The following EIF4EBP1 variants were observed in gnomAD, a reference collection of about 807,000 sequenced individuals.
EIF4EBP1 encodes eukaryotic translation initiation factor 4E-binding protein 1.
EIF4EBP1 carries 5 observed loss-of-function variants against 9.2 expected under a neutral mutation model. That is an observed-to-expected ratio of 0.54 (90% CI 0.28 to 1.14). EIF4EBP1 has a LOEUF of 1.14. Among genes scored for constraint, EIF4EBP1 ranks in the 50% most tolerant of loss-of-function variants. EIF4EBP1 has a pLI of 0.09. For synonymous variants in EIF4EBP1, 62 were observed against 67.0 expected (o/e 0.93, Z 0.36); for missense variants, 139 against 169.6 (o/e 0.82, Z 1.00).
chr8:38,048,393 T>TA (rs932652424), intron 1 of EIF4EBP1, among the ~76,000 whole-genome samples: 20 of 152,166 alleles, frequency 1.3e-4, no homozygotes, highest in Non-Finnish European at 2.6e-4. Context: ...ATATATTTTT[T>TA]AAAAAAAGCA....
chr8:38,049,214 G>A (rs1765338654), intron 1 of EIF4EBP1, among the ~76,000 whole-genome samples: 1 of 152,062 alleles, frequency 6.6e-6, no homozygotes, highest in South Asian at 2.1e-4. Flanking sequence ...ATAAGATGCA[G>A]GTTGAAGTGA....
At chr8:38,048,851 G>A (rs1809479336) in intron 1 of EIF4EBP1, among the ~76,000 whole-genome samples, 1 of 151,856 alleles carries the variant, frequency 6.6e-6, no homozygotes, top group African/African-American at 2.4e-5. Context: ...AAGAGAGGCC[G>A]GGTACGGTGG....
Position 38,060,153 on chromosome 8 carries a change from A to AC in EIF4EBP1, c.*222dup. 2.5e-6 allele frequency: 1 copy of AC among 406,898 alleles called. No individual in the cohort carries two copies. Among genetic ancestry groups the AC allele is most frequent in the South Asian group, 3.0e-5 (1 of 33,838 alleles). The allele number at this position is 406,898 out of a possible 1,614,324, so 25.2% of individuals were successfully genotyped here. A position where few individuals can be genotyped will look rare whatever the true frequency, so the allele number is the denominator to read the frequency against. ...TGCCTCCACTGATGCAGGAGCTGCC[A>AC]CCCCAAGGGGAGTGACCCCTGCCAG... On this transcript the variant is annotated 3_prime_UTR_variant, in exon 3 of 3. Coordinates refer to ENST00000338825, the MANE Select transcript of EIF4EBP1 (RefSeq NM_004095.4).
chr8:38,041,937 A>T (rs1809386316), intron 1 of EIF4EBP1, among the ~76,000 whole-genome samples: 1 of 151,898 alleles, frequency 6.6e-6, no homozygotes, highest in African/African-American at 2.4e-5. Context: ...GGTTACGGTG[A>T]GCTATGATCA....
At chr8:38,051,193 C>T (rs145498496) in intron 1 of EIF4EBP1, among the ~76,000 whole-genome samples, 64 of 152,288 alleles carry the variant, frequency 4.2e-4, no homozygotes, top group African/African-American at 1.5e-3. Context: ...AATTCCTGAA[C>T]CTTCCTGGGG....
chr8:38,044,526 A>T (rs1303912563), intron 1 of EIF4EBP1, among the ~76,000 whole-genome samples: 1 of 151,988 alleles, frequency 6.6e-6, no homozygotes, highest in Non-Finnish European at 1.5e-5. Context: ...GCAGCCTCAA[A>T]CTCCTGGGCT....
At chr8:38,052,786 C>T (rs1809542465) in intron 1 of EIF4EBP1, among the ~76,000 whole-genome samples, 1 of 151,512 alleles carries the variant, frequency 6.6e-6, no homozygotes, top group South Asian at 2.1e-4. Flanking sequence ...CTCCTGGGCT[C>T]AAGTGATCCT....
intron 1 of EIF4EBP1, among the ~76,000 whole-genome samples, chr8:38,038,832 C>G (rs945154261): frequency 6.6e-6 from 1 of 152,000 alleles, no homozygotes; most frequent in Non-Finnish European, 1.5e-5. Context: ...CCGAGACCCT[C>G]AGGCCACATG....
Position 38,060,203 on chromosome 8 carries a change from A to G in EIF4EBP1, c.*268A>G. On this transcript the variant is annotated 3_prime_UTR_variant, in exon 3 of 3. Transcript: ENST00000338825. ...GCACACCCTGCAGCCAAGGGCCAGG[A>G]AGTGGACAAGAACGAACCCTTCCTT... is the stretch of plus-strand genomic sequence containing the variant. The G allele has an allele frequency of 1.8e-6, 1 of 562,514 alleles. No homozygotes were observed. Among genetic ancestry groups the G allele is most frequent in the South Asian group, 2.1e-5 (1 of 48,102 alleles). 34.8% of individuals were successfully genotyped at this position (562,514 alleles called of 1,614,324 possible). A position where few individuals can be genotyped will look rare whatever the true frequency, so the allele number is the denominator to read the frequency against.
chr8:38,055,584 ATTATT>A, intron 1 of EIF4EBP1, among the ~76,000 whole-genome samples: 1 of 151,362 alleles, frequency 6.6e-6, no homozygotes, highest in Admixed American at 6.6e-5. Context: ...TTTAATTTAC[ATTATT>A]TTATTATAGA....
At chr8:38,033,981 C>T (rs112675544) in intron 1 of EIF4EBP1, among the ~76,000 whole-genome samples, 16 of 151,882 alleles carry the variant, frequency 1.1e-4, no homozygotes, top group African/African-American at 3.9e-4. Flanking sequence ...CTCCTGACCT[C>T]GTGATCCGCC....
intron 1 of EIF4EBP1, among the ~76,000 whole-genome samples, chr8:38,049,202 G>A (rs1809485659): frequency 6.6e-6 from 1 of 151,976 alleles, no homozygotes. Flanking sequence ...GTTTGGCAGG[G>A]GATAAGATGC....
At chr8:38,058,886 C>T (rs1439486553) in intron 2 of EIF4EBP1, among the ~76,000 whole-genome samples, 3 of 152,122 alleles carry the variant, frequency 2.0e-5, no homozygotes, top group Non-Finnish European at 4.4e-5. Flanking sequence ...AAGTTCAATA[C>T]CAGCCTGGGC....
intron 2 of EIF4EBP1, 28 bp from the exon 3 acceptor site, chr8:38,059,876 C>G: frequency 6.7e-7 from 1 of 1,487,422 alleles, no homozygotes; most frequent in Non-Finnish European, 9.0e-7. Flanking sequence ...CCATTGTTGA[C>G]CTGGCCCTCT....
intron 1 of EIF4EBP1, among the ~76,000 whole-genome samples, chr8:38,044,263 C>T (rs192552263): frequency 9.9e-5 from 15 of 152,202 alleles, no homozygotes; most frequent in Non-Finnish European, 1.9e-4. Context: ...GAGGGCCATG[C>T]GCGGCTCAGT....
At chr8:38,040,610 G>A (rs113917898) in intron 1 of EIF4EBP1, among the ~76,000 whole-genome samples, 3,049 of 152,322 alleles carry the variant, frequency 0.02, 104 homozygotes, top group African/African-American at 0.069. Context: ...TCCTGGGGTG[G>A]AAGCTCCAAG....
At chr8:38,057,474 C>T (rs113612893) in intron 2 of EIF4EBP1, among the ~76,000 whole-genome samples, 1,988 of 152,248 alleles carry the variant, frequency 0.013, 38 homozygotes, top group African/African-American at 0.046. Context: ...GGCCCAGGCA[C>T]CTCAGGAAAG....
chr8:38,050,597 G>T (rs1809506875), intron 1 of EIF4EBP1, among the ~76,000 whole-genome samples: 1 of 152,112 alleles, frequency 6.6e-6, no homozygotes, highest in Non-Finnish European at 1.5e-5. Context: ...CAATCCGCCT[G>T]CCTCGGTCTT....
chr8:38,035,843 G>A (rs552331317), intron 1 of EIF4EBP1, among the ~76,000 whole-genome samples: 1 of 151,724 alleles, frequency 6.6e-6, no homozygotes, highest in Non-Finnish European at 1.5e-5. Context: ...CCGAATAGCT[G>A]GGTTTACAGG....
Sources: gnomAD v4.1 joint callset for allele counts (sites outside exome capture counted in the v4.1 genomes callset) on GRCh38, gnomAD v4.1.1 for gene constraint, MANE v1.5 for transcripts, NCBI Gene and HGNC (gene_info 2026-07-23, HGNC 2026-07-21) for gene names.